The following STAU2 variants were observed in gnomAD, a reference collection of about 807,000 sequenced individuals.
STAU2 encodes the protein double-stranded RNA-binding protein Staufen homolog 2.
Under a neutral mutation model 65.9 loss-of-function variants are expected in STAU2, and 20 were observed. The observed-to-expected ratio is 0.30, with a 90% confidence interval of 0.21 to 0.44. The LOEUF (loss-of-function observed/expected upper bound fraction) is 0.44. Among genes scored for constraint, STAU2 ranks in the 20% least tolerant of loss-of-function variants. The pLI is 1.00. For synonymous variants in STAU2, 232 were observed against 233.9 expected (o/e 0.99, Z 0.07); for missense variants, 558 against 683.9 (o/e 0.82, Z 2.05).
At chr8:73,606,094 C>T (rs56072531) in intron 9 of STAU2, among the ~76,000 whole-genome samples, 23,264 of 151,840 alleles carry the variant, frequency 0.15, 1,824 homozygotes, top group African/African-American at 0.17. Context: ...GCCTCACAGA[C>T]GTAAATGTAA....
intron 5 of STAU2, among the ~76,000 whole-genome samples, chr8:73,674,293 G>T (rs1817884401): frequency 6.6e-6 from 1 of 151,512 alleles, no homozygotes; most frequent in Non-Finnish European, 1.5e-5. Context: ...AAGAAAACTG[G>T]AACTAAATCT....
At chr8:73,497,740 T>C (rs1417165823) in intron 13 of STAU2, among the ~76,000 whole-genome samples, 1 of 151,798 alleles carries the variant, frequency 6.6e-6, no homozygotes, top group Non-Finnish European at 1.5e-5. Flanking sequence ...AGAAATTATA[T>C]AAATGTTCTC....
chr8:73,577,081 A>T (rs1192033987), intron 12 of STAU2, among the ~76,000 whole-genome samples: 1 of 152,164 alleles, frequency 6.6e-6, no homozygotes, highest in Middle Eastern at 3.2e-3. Flanking sequence ...ACCTTCAGAA[A>T]AGTTTCCTCA....
At chr8:73,613,392 G>A (rs1020928539) in intron 9 of STAU2, among the ~76,000 whole-genome samples, 2 of 152,178 alleles carry the variant, frequency 1.3e-5, no homozygotes, top group African/African-American at 4.8e-5. Context: ...CAAACTCTTT[G>A]AACACGTTTT....
intron 4 of STAU2, among the ~76,000 whole-genome samples, chr8:73,692,242 A>G (rs932795155): frequency 6.6e-6 from 1 of 151,594 alleles, no homozygotes; most frequent in Non-Finnish European, 1.5e-5. Context: ...TCTGTCGCCA[A>G]GGTTGGAGTG....
At chr8:73,443,597 A>G (rs1311584279) in intron 13 of STAU2, among the ~76,000 whole-genome samples, 1 of 152,174 alleles carries the variant, frequency 6.6e-6, no homozygotes, top group Non-Finnish European at 1.5e-5. Flanking sequence ...TCACACTGTA[A>G]TCTCAATGTT....
At chr8:73,442,874 G>T (rs1585766347) in intron 13 of STAU2, among the ~76,000 whole-genome samples, 2 of 152,178 alleles carry the variant, frequency 1.3e-5, no homozygotes, top group Non-Finnish European at 2.9e-5. Flanking sequence ...TTCAAAAGCA[G>T]AAGATTTTCT....
At chr8:73,670,894 T>A (rs960386200) in intron 6 of STAU2, among the ~76,000 whole-genome samples, 5 of 152,092 alleles carry the variant, frequency 3.3e-5, no homozygotes, top group African/African-American at 7.2e-5. Flanking sequence ...CCACATAAAA[T>A]TTTAAAACTA....
chr8:73,466,825 G>A (rs536244477), intron 13 of STAU2, among the ~76,000 whole-genome samples: 8 of 152,314 alleles, frequency 5.3e-5, no homozygotes, highest in Admixed American at 2.6e-4. Context: ...GGTGCCGGGC[G>A]CTTTGCTAGA....
chr8:73,471,496 T>C lies in STAU2; in HGVS notation c.1531-48794A>G, dbSNP rs186242693. On this transcript the variant is annotated intron_variant, in intron 13 of 14. Coordinates refer to ENST00000524300, the MANE Select transcript of STAU2 (RefSeq NM_001164380.2). Reference sequence around the variant, plus strand: ...AACTACTGTGCTCGGCCTCATATTATAATTCTTGATTCCTCCTTCTGTAAT... The same window carrying C: ...AACTACTGTGCTCGGCCTCATATTACAATTCTTGATTCCTCCTTCTGTAAT... 7.6e-5 allele frequency among the ~76,000 whole-genome samples: 11 copies of C among 143,832 alleles called. No homozygotes were observed. The East Asian group carries it at 2.3e-3, about 30-fold the overall frequency. 94.4% of individuals were successfully genotyped at this position (143,832 alleles called of 152,430 possible).
At chr8:73,681,932 T>C (rs961629502) in intron 5 of STAU2, among the ~76,000 whole-genome samples, 7 of 152,042 alleles carry the variant, frequency 4.6e-5, no homozygotes, top group African/African-American at 1.7e-4. Context: ...AATATCACAA[T>C]CCTAAATATA....
intron 13 of STAU2, chr8:73,441,074 C>T (rs1324713046): frequency 1.3e-5 from 2 of 152,328 alleles, no homozygotes; most frequent in Non-Finnish European, 1.5e-5. Context: ...AGTGTCCCCT[C>T]CTTGTGACCC....
At chr8:73,513,246 G>A (rs1018259316) in intron 13 of STAU2, among the ~76,000 whole-genome samples, 1 of 152,194 alleles carries the variant, frequency 6.6e-6, no homozygotes, top group African/African-American at 2.4e-5. Flanking sequence ...CCTTCATGGT[G>A]CATCGCTGCT....
At chr8:73,555,438 A>T (rs946126144) in intron 12 of STAU2, among the ~76,000 whole-genome samples, 3 of 152,156 alleles carry the variant, frequency 2.0e-5, no homozygotes, top group East Asian at 3.8e-4. Context: ...AAGTTTTTTT[A>T]AAAACACTTT....
intron 4 of STAU2, among the ~76,000 whole-genome samples, 199 bp downstream of exon 4, chr8:73,708,833 T>C (rs1820698932): frequency 1.3e-5 from 2 of 152,198 alleles, no homozygotes; most frequent in Non-Finnish European, 2.9e-5. Context: ...TGAAGTACTA[T>C]ATCTAAAAGA....
In STAU2 at chr8:73,552,085, G is replaced by A. The variant is rs544513370; in HGVS notation, c.1457C>T (p.Ser486Phe). 1 of 1,612,698 alleles carries A rather than the reference G, an allele frequency of 6.2e-7. No homozygotes were observed. Among genetic ancestry groups the A allele is most frequent in the Admixed American group, 1.7e-5 (1 of 59,974 alleles). The stretch of plus-strand genomic sequence containing the variant: ...TACTGGAGAACAAGGGGGAGTAGGA[G>A]AACTTCCTTTTAAACCTATGGCTTC... ...TAEAIGLKGS[S>F]PTPPCSPVQP... The change falls in exon 13 of 15, where the codon TCT (serine) becomes TTT (phenylalanine). Residue 486 changes from serine (S) to phenylalanine (F), a missense_variant. Around this residue, in one of 3 missense-constraint regions of STAU2, gnomAD observed 247 missense variants for 270.1 expected, o/e 0.91. Coordinates refer to ENST00000524300, the MANE Select transcript of STAU2 (RefSeq NM_001164380.2).
In STAU2 at chr8:73,582,752, A is replaced by T; in HGVS notation, c.1222+18T>A. The T allele has an allele frequency of 6.2e-7, 1 of 1,612,700 alleles. No individual in the cohort carries two copies. The highest frequency in any genetic ancestry group is 8.5e-7 in the Non-Finnish European group (1 of 1,178,946). On this transcript the variant is annotated intron_variant, in intron 12 of 14. Transcript: ENST00000524300. ...CTGATGAACACCAAGTGCAGACAAC[A>T]TAAAAATGAGAACTTACTATTATTT...
At chr8:73,628,128 G>A (rs1202492423) in intron 6 of STAU2, among the ~76,000 whole-genome samples, 1 of 151,384 alleles carries the variant, frequency 6.6e-6, no homozygotes, top group Non-Finnish European at 1.5e-5. Context: ...AGGCTGGAGT[G>A]CAGAGCATGA....
chr8:73,669,426 A>G (rs1338433095), intron 6 of STAU2, among the ~76,000 whole-genome samples: 2 of 152,208 alleles, frequency 1.3e-5, no homozygotes, highest in Non-Finnish European at 2.9e-5. Context: ...TCTTGGAACT[A>G]GAAACTGCCA....
Sources: allele counts gnomAD v4.1 joint callset (sites outside exome capture counted in the v4.1 genomes callset), GRCh38; gene constraint gnomAD v4.1.1; regional missense constraint gnomAD v4.1.1; transcripts MANE v1.5; gene names NCBI Gene and HGNC (gene_info 2026-07-23, HGNC 2026-07-21).